CCDC18: variants seen among roughly 807,000 people sequenced by gnomAD.
CCDC18 encodes coiled-coil domain containing 18, also known as coiled-coil domain-containing protein 18.
In CCDC18, 157 loss-of-function variants were observed where a neutral mutation model predicts 196.0. The observed-to-expected ratio is 0.80, with a 90% CI of 0.70 to 0.91. The LOEUF (loss-of-function observed/expected upper bound fraction) is 0.91. Among genes scored for constraint, CCDC18 ranks in the 40% least tolerant of loss-of-function variants. CCDC18 has a pLI of 0.00. For synonymous variants in CCDC18, 482 were observed against 529.2 expected (o/e 0.91, Z 1.22); for missense variants, 1,465 against 1,611.6 (o/e 0.91, Z 1.56).
At chr1:93,209,888 C>T (rs1274230726) in intron 9 of CCDC18, among the ~76,000 whole-genome samples, 1 of 151,974 alleles carries the variant, frequency 6.6e-6, no homozygotes, top group Non-Finnish European at 1.5e-5. Context: ...ACAGTGAGAC[C>T]CTGTCTCTAC....
At position 93,236,234 on chromosome 1, in the gene CCDC18, A is replaced by G; in HGVS notation, c.2461-14A>G. ...TTCTGAATTTAAAATGTTTACTGAA[A>G]ACTGCTTTACAAGGTGTCAAAACTG... On this transcript the variant is annotated splice_polypyrimidine_tract_variant and intron_variant, in intron 18 of 28. Coordinates refer to ENST00000690025, the MANE Select transcript of CCDC18 (RefSeq NM_001378204.1). 6.4e-7 allele frequency: 1 copy of G among 1,555,042 alleles called. No homozygotes were observed. Among genetic ancestry groups the G allele is most frequent in the Non-Finnish European group, 8.6e-7 (1 of 1,161,084 alleles).
chr1:93,224,195 A>C (rs555170391), intron 16 of CCDC18, among the ~76,000 whole-genome samples: 2 of 152,136 alleles, frequency 1.3e-5, no homozygotes, highest in East Asian at 1.9e-4. Flanking sequence ...CACTCACTTT[A>C]TCTCTCTCTA....
At chr1:93,278,236 C>T (rs951116059) in intron 28 of CCDC18, among the ~76,000 whole-genome samples, 2 of 152,294 alleles carry the variant, frequency 1.3e-5, no homozygotes, top group East Asian at 3.9e-4. Flanking sequence ...GATCCATGCA[C>T]CTCGGCCTCC....
At chr1:93,231,866 A>G (rs983100665) in intron 17 of CCDC18, among the ~76,000 whole-genome samples, 1 of 152,234 alleles carries the variant, frequency 6.6e-6, no homozygotes, top group African/African-American at 2.4e-5. Flanking sequence ...ACCAAACATC[A>G]TATAGTGCTT....
chr1:93,214,761 A>G lies in CCDC18; in HGVS notation c.1514A>G (p.Gln505Arg), dbSNP rs1570388703. The G allele has an allele frequency of 1.2e-6, 2 of 1,611,442 alleles. No homozygotes were observed. Among genetic ancestry groups the G allele is most frequent in the East Asian group, 2.2e-5 (1 of 44,758 alleles). Residue 505 changes from glutamine (Q) to arginine (R), a missense_variant, in exon 12 of 29, where the codon CAA becomes CGA. Coordinates refer to ENST00000690025, the MANE Select transcript of CCDC18 (RefSeq NM_001378204.1). ...TTATTAGCAGAAAGCGTAAAAGATC[A>G]AAATCAACATACTATGAACAAGCAA... ...GHQVAESVKD[Q>R]NQHTMNKQYE...
chr1:93,197,745 CTTTTTTTTTTTTTTT>C (rs71094240), intron 6 of CCDC18, among the ~76,000 whole-genome samples: 4 of 76,010 alleles, frequency 5.3e-5, no homozygotes, highest in Non-Finnish European at 7.2e-5. Context: ...CTTTTCTTTT[CTTTTTTTTTTTTTTT>C]TTTTTTTTTG....
intron 19 of CCDC18, among the ~76,000 whole-genome samples, chr1:93,237,979 T>G (rs975244436): frequency 1.3e-5 from 2 of 152,198 alleles, no homozygotes; most frequent in African/African-American, 4.8e-5. Context: ...TCTCTGGGTA[T>G]CTCAGGGTTA....
intron 27 of CCDC18, among the ~76,000 whole-genome samples, chr1:93,269,152 C>T (rs1313731145): frequency 6.6e-6 from 1 of 151,766 alleles, no homozygotes; most frequent in Non-Finnish European, 1.5e-5. Flanking sequence ...TGGAAACCAT[C>T]ATCCTGAGCA....
chr1:93,239,401 G>A lies in CCDC18; in HGVS notation c.2695G>A (p.Ala899Thr), dbSNP rs1660467464. The A allele has an allele frequency of 6.2e-7, 1 of 1,613,314 alleles. No homozygotes were observed. Among genetic ancestry groups the A allele is most frequent in the Non-Finnish European group, 8.5e-7 (1 of 1,179,534 alleles). The change falls in exon 20 of 29, where the codon GCA (alanine) becomes ACA (threonine). Residue 899 changes from alanine (A) to threonine (T), a missense_variant. Ala to Thr is a moderately conservative substitution (Grantham distance 58). Coordinates refer to ENST00000690025, the MANE Select transcript of CCDC18 (RefSeq NM_001378204.1). ...CCTAAAACGAGATGGAGAAAATAAA[G>A]CAATGCACCTCTCTCAATTAGATAT... ...MHLKRDGENK[A>T]MHLSQLDMIL...
chr1:93,209,967 A>G (rs2101970694), intron 9 of CCDC18, among the ~76,000 whole-genome samples: 3 of 152,248 alleles, frequency 2.0e-5, no homozygotes, highest in Admixed American at 2.0e-4. Flanking sequence ...AAGCTGAGGT[A>G]GGAGGATTGC....
intron 27 of CCDC18, among the ~76,000 whole-genome samples, chr1:93,266,116 A>G (rs1183940918): frequency 3.3e-5 from 5 of 152,240 alleles, no homozygotes; most frequent in African/African-American, 1.2e-4. Flanking sequence ...AGTGAAATCA[A>G]ATTAGAACTC....
intron 26 of CCDC18, among the ~76,000 whole-genome samples, chr1:93,260,113 G>A (rs1360155201): frequency 6.6e-6 from 1 of 152,228 alleles, no homozygotes; most frequent in Non-Finnish European, 1.5e-5. Flanking sequence ...GCCGGGCGCA[G>A]TGGCTCACAC....
At chr1:93,202,044 TAAAG>T in intron 7 of CCDC18, 56 bp downstream of exon 7, 1 of 963,050 alleles carries the variant, frequency 1.0e-6, no homozygotes, top group African/African-American at 1.7e-5. Flanking sequence ...ATTCCAACAG[TAAAG>T]GTAGGAATAA....
intron 16 of CCDC18, among the ~76,000 whole-genome samples, chr1:93,222,590 G>T (rs1657622308): frequency 6.6e-6 from 1 of 152,090 alleles, no homozygotes. Context: ...GGGCTTTGTT[G>T]TTAAATTGGG....
At chr1:93,278,132 G>A (rs993737585) in intron 28 of CCDC18, among the ~76,000 whole-genome samples, 26 of 151,850 alleles carry the variant, frequency 1.7e-4, no homozygotes, top group African/African-American at 5.8e-4. Context: ...GATTACAGAC[G>A]CTCGCCACCA....
intron 28 of CCDC18, among the ~76,000 whole-genome samples, chr1:93,274,736 C>G (rs1470325490): frequency 1.3e-5 from 2 of 152,078 alleles, no homozygotes; most frequent in African/African-American, 4.8e-5. Flanking sequence ...GTAGTCCTAG[C>G]TACTTGGAAG....
upstream of CCDC18, chr1:93,179,923 G>C (rs1331867449): frequency 1.0e-6 from 1 of 1,000,092 alleles, no homozygotes; most frequent in African/African-American, 1.7e-5. Context: ...GCGCGGAGCG[G>C]GCTGGCTTCC....
intron 24 of CCDC18, 88 bp downstream of exon 24, chr1:93,254,702 A>G (rs1662704825): frequency 4.1e-6 from 5 of 1,226,614 alleles, no homozygotes; most frequent in Non-Finnish European, 4.7e-6. Flanking sequence ...TGGTTTTAAT[A>G]TACAGAAACT....
chr1:93,236,514 C>T, intron 19 of CCDC18, 124 bp downstream of exon 19: 2 of 890,456 alleles, frequency 2.2e-6, no homozygotes, highest in Non-Finnish European at 3.3e-6. Flanking sequence ...GTCTGTGTTC[C>T]TATTGCATTT....
Sources: allele counts gnomAD v4.1 joint callset (sites outside exome capture counted in the v4.1 genomes callset), GRCh38; gene constraint gnomAD v4.1.1; transcripts MANE v1.5; gene names NCBI Gene and HGNC (gene_info 2026-07-23, HGNC 2026-07-21).